LRMDA: variants seen among roughly 807,000 people sequenced by gnomAD.
LRMDA encodes leucine rich melanocyte differentiation associated, also known as leucine-rich melanocyte differentiation-associated protein.
In LRMDA, 18 loss-of-function variants were observed where a neutral mutation model predicts 29.8. The observed-to-expected ratio is 0.60, with a 90% CI of 0.42 to 0.90. The LOEUF (loss-of-function observed/expected upper bound fraction) is 0.90. Among genes scored for constraint, LRMDA ranks in the 40% least tolerant of loss-of-function variants. LRMDA has a pLI of 0.00. For synonymous variants in LRMDA, 125 were observed against 109.4 expected (o/e 1.14, Z -0.89); for missense variants, 273 against 273.9 (o/e 1.00, Z 0.02).
chr10:76,237,471 A>C (rs942266825), intron 5 of LRMDA, among the ~76,000 whole-genome samples: 2 of 152,194 alleles, frequency 1.3e-5, no homozygotes, highest in Non-Finnish European at 2.9e-5. Context: ...TGTAGATTAG[A>C]GCTGATTACA....
chr10:75,550,023 C>T (rs1589178676), intron 2 of LRMDA, among the ~76,000 whole-genome samples: 2 of 152,266 alleles, frequency 1.3e-5, no homozygotes, highest in South Asian at 2.1e-4. Context: ...GAATGTACCA[C>T]AATTCTTGAC....
intron 5 of LRMDA, among the ~76,000 whole-genome samples, chr10:76,064,651 A>C (rs570803070): frequency 1.5e-4 from 23 of 152,324 alleles, no homozygotes; most frequent in African/African-American, 5.1e-4. Flanking sequence ...TATGTAGCCC[A>C]ATTGCAAATG....
At chr10:75,781,782 T>C (rs1306293441) in intron 2 of LRMDA, among the ~76,000 whole-genome samples, 1 of 152,228 alleles carries the variant, frequency 6.6e-6, no homozygotes, top group Non-Finnish European at 1.5e-5. Flanking sequence ...TAACTAATTC[T>C]GCGAGGTCAA....
Position 76,058,714 on chromosome 10 carries a change from G to A in LRMDA, c.447G>A (p.Gln149=). The A allele has an allele frequency of 6.2e-7, 1 of 1,614,210 alleles. No individual in the cohort carries two copies. The highest frequency in any genetic ancestry group is 8.5e-7 in the Non-Finnish European group (1 of 1,180,026). ...CCAACTTGAAATTTCTGGATGCCCA[G>A]AAAGTAACCAGACAAGAACGAGAGG... The part of the protein sequence containing the change: ...KLPNLKFLDA[Q]KVTRQEREEA... The change falls in exon 5 of 7, where the codon CAG becomes CAA. Residue 149 remains glutamine, a synonymous_variant. Transcript: ENST00000611255.
intron 6 of LRMDA, among the ~76,000 whole-genome samples, chr10:76,439,080 A>T (rs1053054600): frequency 1.3e-5 from 2 of 152,224 alleles, no homozygotes; most frequent in Non-Finnish European, 2.9e-5. Flanking sequence ...TATAAACATG[A>T]GTGAAATTAA....
intron 2 of LRMDA, among the ~76,000 whole-genome samples, chr10:75,932,400 G>A (rs1846220173): frequency 6.6e-6 from 1 of 152,120 alleles, no homozygotes; most frequent in African/African-American, 2.4e-5. Context: ...ACAGCCTGAG[G>A]CCAGGAGTTC....
chr10:76,033,706 A>G (rs531506010), intron 2 of LRMDA, among the ~76,000 whole-genome samples: 6 of 152,266 alleles, frequency 3.9e-5, no homozygotes, highest in Admixed American at 2.0e-4. Flanking sequence ...TTGTGCACAA[A>G]GGAATTATTA....
chr10:75,726,579 C>T lies in LRMDA; in HGVS notation c.131+288085C>T, dbSNP rs554009895. 6.6e-5 allele frequency among the ~76,000 whole-genome samples: 10 copies of T among 152,290 alleles called. No homozygotes were observed. In the East Asian group the frequency reaches 1.5e-3, roughly 24 times the overall value. ...GGGAAAAACACTCATTTCTCATGGCCATGGCCCCTACTGGGAGGGAAGCAC... is the reference window on the plus strand; with the variant it reads ...GGGAAAAACACTCATTTCTCATGGCTATGGCCCCTACTGGGAGGGAAGCAC... On this transcript the variant is annotated intron_variant, in intron 2 of 6. Coordinates refer to ENST00000611255, the MANE Select transcript of LRMDA (RefSeq NM_001305581.2).
intron 6 of LRMDA, among the ~76,000 whole-genome samples, chr10:76,395,061 C>G (rs1168787040): frequency 2.0e-5 from 3 of 152,180 alleles, no homozygotes; most frequent in Non-Finnish European, 2.9e-5. Flanking sequence ...CTAAACTCTT[C>G]ACTTAAAGCT....
intron 5 of LRMDA, among the ~76,000 whole-genome samples, chr10:76,206,021 G>T (rs566593144): frequency 6.6e-6 from 1 of 152,268 alleles, no homozygotes; most frequent in South Asian, 2.1e-4. Context: ...CATTGGCCTA[G>T]ATAATCATCC....
chr10:75,499,059 C>T (rs1442336679), intron 2 of LRMDA, among the ~76,000 whole-genome samples: 8 of 151,828 alleles, frequency 5.3e-5, no homozygotes, highest in African/African-American at 1.5e-4. Flanking sequence ...GAGGGAAGGG[C>T]GGTGGTGGAG....
chr10:75,828,912 T>C (rs1038430868), intron 2 of LRMDA, among the ~76,000 whole-genome samples: 2 of 152,106 alleles, frequency 1.3e-5, no homozygotes, highest in East Asian at 1.9e-4. Flanking sequence ...GATGTGGAAT[T>C]GGGGAAACAA....
At chr10:75,881,440 C>T (rs1845291090) in intron 2 of LRMDA, among the ~76,000 whole-genome samples, 1 of 152,194 alleles carries the variant, frequency 6.6e-6, no homozygotes, top group Admixed American at 6.5e-5. Context: ...CAACTTTCCA[C>T]ACTAAGTAAC....
chr10:75,840,555 CTGTG>C (rs747044510), intron 2 of LRMDA, among the ~76,000 whole-genome samples: 4 of 152,182 alleles, frequency 2.6e-5, no homozygotes, highest in Non-Finnish European at 4.4e-5. Context: ...TCTGTTTTCA[CTGTG>C]TGTGTCTGTG....
intron 2 of LRMDA, among the ~76,000 whole-genome samples, chr10:75,697,856 T>TGTGTGTGCGCGCGCGC (rs1294136239): frequency 9.3e-5 from 14 of 150,912 alleles, no homozygotes; most frequent in African/African-American, 3.5e-4. Flanking sequence ...TGTGTGCGTG[T>TGTGTGTGCGCGCGCGC]GTGTGTGTGT....
intron 2 of LRMDA, among the ~76,000 whole-genome samples, chr10:75,965,174 C>T (rs1846836271): frequency 3.9e-5 from 6 of 152,194 alleles, no homozygotes; most frequent in Admixed American, 3.9e-4. Context: ...TAGCACCTAA[C>T]TCTAAGGGCT....
chr10:75,752,038 T>A (rs558699651), intron 2 of LRMDA, among the ~76,000 whole-genome samples: 44 of 150,640 alleles, frequency 2.9e-4, no homozygotes, highest in Non-Finnish European at 4.4e-4. Flanking sequence ...TAAATAAATA[T>A]ATATATATAT....
At chr10:75,444,660 T>C (rs1317671040) in intron 2 of LRMDA, among the ~76,000 whole-genome samples, 2 of 152,174 alleles carry the variant, frequency 1.3e-5, no homozygotes. Context: ...CAATGTCTAG[T>C]GTGAAATTGT....
intron 2 of LRMDA, among the ~76,000 whole-genome samples, chr10:75,919,217 T>C (rs569315243): frequency 8.1e-4 from 123 of 152,284 alleles, no homozygotes; most frequent in African/African-American, 2.9e-3. Context: ...CTCTGAAATT[T>C]CTCTCTATGG....
Sources: allele counts gnomAD v4.1 joint callset (sites outside exome capture counted in the v4.1 genomes callset), GRCh38; gene constraint gnomAD v4.1.1; transcripts MANE v1.5; gene names NCBI Gene and HGNC (gene_info 2026-07-23, HGNC 2026-07-21).